SNTB1: variants seen among roughly 807,000 people sequenced by gnomAD.
The protein encoded by SNTB1 is beta-1-syntrophin.
SNTB1 carries 36 observed loss-of-function variants against 48.9 expected under a neutral mutation model. That is an observed-to-expected ratio of 0.74 (90% CI 0.56 to 0.97). The LOEUF (loss-of-function observed/expected upper bound fraction) is 0.97, where lower values mean the gene tolerates loss of function less well. Among genes scored for constraint, SNTB1 ranks in the 50% least tolerant of loss-of-function variants. The pLI, the probability that SNTB1 is intolerant of heterozygous loss-of-function variation, is 0.00. For synonymous variants in SNTB1, 299 were observed against 294.6 expected (o/e 1.01, Z -0.15); for missense variants, 786 against 703.4 (o/e 1.12, Z -1.33).
intron 3 of SNTB1, among the ~76,000 whole-genome samples, chr8:120,581,601 C>T (rs1816051430): frequency 6.6e-6 from 1 of 150,594 alleles, no homozygotes; most frequent in Non-Finnish European, 1.5e-5. Flanking sequence ...GAGACTCTGT[C>T]TCAAAAAAAA....
intron 3 of SNTB1, among the ~76,000 whole-genome samples, chr8:120,619,316 G>T (rs542028990): frequency 4.5e-4 from 69 of 151,990 alleles, no homozygotes; most frequent in Middle Eastern, 3.4e-3. Context: ...TATATAGAGA[G>T]AGAGAGAGAG....
At chr8:120,556,089 G>A (rs1008733126) in intron 4 of SNTB1, among the ~76,000 whole-genome samples, 13 of 152,128 alleles carry the variant, frequency 8.5e-5, no homozygotes, top group Non-Finnish European at 1.5e-4. Context: ...GTCTAGGTAC[G>A]GTGTGAACAG....
chr8:120,709,865 G>T (rs1287821509), intron 1 of SNTB1, among the ~76,000 whole-genome samples: 1 of 151,982 alleles, frequency 6.6e-6, no homozygotes, highest in Non-Finnish European at 1.5e-5. Flanking sequence ...AAAGCATGGG[G>T]TTGTTGTGTA....
chr8:120,777,744 T>C (rs1487850020), intron 1 of SNTB1, among the ~76,000 whole-genome samples: 1 of 152,158 alleles, frequency 6.6e-6, no homozygotes, highest in Non-Finnish European at 1.5e-5. Flanking sequence ...CCAGGAGAAA[T>C]ATCTACTTTT....
rs35665089 is a variant in SNTB1, at chr8:120,667,081, TTCTC to T, written c.788+26607_788+26610del. Among the ~76,000 whole-genome samples the T allele has an allele frequency of 2.0e-3, 282 of 143,498 alleles. 1 individual carries two copies. Among genetic ancestry groups the T allele is most frequent in the Admixed American group, 4.0e-3 (57 of 14,396 alleles). The allele number at this position is 143,498 out of a possible 152,430, so 94.1% of individuals were successfully genotyped here. A position where few individuals can be genotyped will look rare whatever the true frequency, so the allele number is the denominator to read the frequency against. On this transcript the variant is annotated intron_variant, in intron 2 of 6. Transcript: ENST00000517992. ...TGCTCCTTCTTTGCATGTTTGGTAA[TTCTC>T]TCTCTCTCTCTCTTCTTTTTTTTTT...
intron 4 of SNTB1, among the ~76,000 whole-genome samples, chr8:120,564,181 T>C (rs887450092): frequency 6.6e-6 from 1 of 151,802 alleles, no homozygotes; most frequent in African/African-American, 2.4e-5. Flanking sequence ...ACCCAATTCA[T>C]GTGTTGAAGC....
At chr8:120,714,069 T>A (rs926932941) in intron 1 of SNTB1, among the ~76,000 whole-genome samples, 3 of 152,220 alleles carry the variant, frequency 2.0e-5, no homozygotes, top group African/African-American at 7.2e-5. Flanking sequence ...ATTCTTTGTA[T>A]GTTTAAGGTC....
intron 3 of SNTB1, among the ~76,000 whole-genome samples, chr8:120,608,076 T>G (rs1816554448): frequency 6.6e-6 from 1 of 152,222 alleles, no homozygotes; most frequent in Non-Finnish European, 1.5e-5. Context: ...TTGAACAGCG[T>G]CTTTGAAACT....
intron 2 of SNTB1, among the ~76,000 whole-genome samples, chr8:120,653,726 C>T (rs1817446550): frequency 6.6e-6 from 1 of 152,038 alleles, no homozygotes; most frequent in African/African-American, 2.4e-5. Flanking sequence ...TCCATTTTAG[C>T]TCACTTTGGA....
rs74603200 is a variant in SNTB1, at chr8:120,692,184, A to G, written c.788+1508T>C. ...GGGTAGAAAGATCCTGCAGCTGGCC[A>G]GAGCCAGAAGGGCCCTGGCAGCGTC... On this transcript the variant is annotated intron_variant, in intron 2 of 6. Coordinates refer to ENST00000517992, the MANE Select transcript of SNTB1 (RefSeq NM_021021.4). Among the ~76,000 whole-genome samples the G allele has an allele frequency of 1.6e-4, 24 of 152,306 alleles. 1 individual carries two copies. In the East Asian group the frequency reaches 4.6e-3, roughly 29 times the overall value.
chr8:120,733,166 G>A (rs906446592), intron 1 of SNTB1, among the ~76,000 whole-genome samples: 1 of 152,108 alleles, frequency 6.6e-6, no homozygotes, highest in South Asian at 2.1e-4. Context: ...AACACGAAAT[G>A]GTAAAATATT....
chr8:120,762,355 C>T (rs1241916351), intron 1 of SNTB1, among the ~76,000 whole-genome samples: 1 of 152,154 alleles, frequency 6.6e-6, no homozygotes, highest in Non-Finnish European at 1.5e-5. Context: ...TTCTGCAAAG[C>T]AGGCAAAATG....
rs963337839 is a variant in SNTB1 at position 120,619,853 on chromosome 8, A to G, written c.996+12591T>C. ...CATGGCTCTGCTGTCCTACCCTTGC[A>G]TGAAGGCATGAAAGACACACACATT... On this transcript the variant is annotated intron_variant, in intron 3 of 6. Transcript: ENST00000517992. 3.3e-5 allele frequency among the ~76,000 whole-genome samples: 5 copies of G among 152,204 alleles called. No individual in the cohort carries two copies. The South Asian group carries it at 6.2e-4, about 19-fold the overall frequency.
chr8:120,543,125 T>G (rs1286053797), intron 5 of SNTB1, among the ~76,000 whole-genome samples: 1 of 152,216 alleles, frequency 6.6e-6, no homozygotes, highest in Non-Finnish European at 1.5e-5. Flanking sequence ...TCCTGCTCTT[T>G]AAGCTTATGA....
intron 1 of SNTB1, among the ~76,000 whole-genome samples, chr8:120,800,470 A>G (rs530503394): frequency 2.0e-5 from 3 of 152,182 alleles, no homozygotes; most frequent in South Asian, 4.1e-4. Context: ...AATGTGCTCC[A>G]GTGAAACTAG....
intron 2 of SNTB1, among the ~76,000 whole-genome samples, chr8:120,682,469 T>C (rs1460640957): frequency 6.6e-6 from 1 of 152,228 alleles, no homozygotes; most frequent in Non-Finnish European, 1.5e-5. Context: ...CTATTTCAAA[T>C]TTCTGACTAA....
chr8:120,800,752 A>G (rs1820212533), intron 1 of SNTB1, among the ~76,000 whole-genome samples: 1 of 152,102 alleles, frequency 6.6e-6, no homozygotes. Context: ...AGCAAACAGG[A>G]AAAACAGAAG....
intron 4 of SNTB1, among the ~76,000 whole-genome samples, chr8:120,555,643 G>A (rs949566420): frequency 9.9e-5 from 15 of 152,020 alleles, no homozygotes; most frequent in African/African-American, 3.4e-4. Flanking sequence ...AATGATTTGG[G>A]GCAGCTTTTC....
intron 2 of SNTB1, among the ~76,000 whole-genome samples, chr8:120,640,954 C>T (rs1379230955): frequency 6.6e-6 from 1 of 152,066 alleles, no homozygotes; most frequent in Non-Finnish European, 1.5e-5. Context: ...GGAATGGTAC[C>T]AACTCCTCCT....
Sources: gnomAD v4.1 joint callset for allele counts (sites outside exome capture counted in the v4.1 genomes callset) on GRCh38, gnomAD v4.1.1 for gene constraint, MANE v1.5 for transcripts, NCBI Gene and HGNC (gene_info 2026-07-23, HGNC 2026-07-21) for gene names.